PLAAT1: variants seen among roughly 807,000 people sequenced by gnomAD.
PLAAT1 encodes phospholipase A and acyltransferase 1, also known as H-REV107 protein-related protein.
In PLAAT1, 13 loss-of-function variants were observed where a neutral mutation model predicts 16.4. That is an observed-to-expected ratio of 0.79 (90% CI 0.52 to 1.26). The LOEUF (loss-of-function observed/expected upper bound fraction) is 1.26. Ranked by LOEUF, PLAAT1 falls within the 50% of genes most tolerant of loss-of-function variation. The probability of loss-of-function intolerance (pLI) is 0.00; values close to 1 mark genes in which losing one functional copy is unlikely to be tolerated. For synonymous variants in PLAAT1, 73 were observed against 78.4 expected (o/e 0.93, Z 0.36); for missense variants, 218 against 207.8 (o/e 1.05, Z -0.30).
At chr3:193,249,652 T>A (rs1716121315) in intron 1 of PLAAT1, among the ~76,000 whole-genome samples, 1 of 152,254 alleles carries the variant, frequency 6.6e-6, no homozygotes, top group African/African-American at 2.4e-5. Context: ...TTTAATGCTG[T>A]CCACTAAGGC....
intron 3 of PLAAT1, among the ~76,000 whole-genome samples, chr3:193,266,888 C>A (rs747152699): frequency 4.6e-5 from 7 of 151,630 alleles, no homozygotes; most frequent in Non-Finnish European, 8.8e-5. Context: ...TTTTTGAATC[C>A]CTTTAAGCTT....
At chr3:193,265,146 A>G (rs766092267) in intron 3 of PLAAT1, among the ~76,000 whole-genome samples, 1 of 152,210 alleles carries the variant, frequency 6.6e-6, no homozygotes, top group Non-Finnish European at 1.5e-5. Flanking sequence ...AGCTATTGTA[A>G]TCCTAGGTAT....
At position 193,250,848 on chromosome 3, in the gene PLAAT1, C is replaced by T. The variant is rs76205690; in HGVS notation, c.1-4803C>T. On this transcript the variant is annotated intron_variant, in intron 1 of 3. Transcript: ENST00000264735. ...TGCCCTGCCCTATCCCCCCCACCCC[C>T]GCACCTTTTTCCAATTGGAGATTAA... Among the ~76,000 whole-genome samples the T allele has an allele frequency of 8.2e-3, 1,243 of 152,154 alleles. 19 individuals are homozygous for T. Among genetic ancestry groups the T allele is most frequent in the African/African-American group, 0.028 (1,165 of 41,496 alleles).
downstream of PLAAT1, among the ~76,000 whole-genome samples, chr3:193,272,545 C>A (rs1717019794): frequency 6.6e-6 from 1 of 152,134 alleles, no homozygotes; most frequent in South Asian, 2.1e-4. Context: ...CCAAGGTACC[C>A]TTTTCAGTAA....
At chr3:193,242,684 A>G (rs960812789) in intron 1 of PLAAT1, among the ~76,000 whole-genome samples, 1 of 152,136 alleles carries the variant, frequency 6.6e-6, no homozygotes, top group African/African-American at 2.4e-5. Context: ...AATTTGGCCA[A>G]GGAGTGGAAC....
At chr3:193,275,280 T>C (rs1217769782), downstream of PLAAT1, 1 of 1,613,612 alleles carries the variant, frequency 6.2e-7, no homozygotes, top group African/African-American at 1.3e-5. Flanking sequence ...CAGCCAGAGT[T>C]CATGATTTTG....
downstream of PLAAT1, among the ~76,000 whole-genome samples, chr3:193,272,445 A>AAAAAC (rs376995592): frequency 1.5e-4 from 22 of 142,096 alleles, no homozygotes; most frequent in Admixed American, 7.3e-5. Context: ...ACTCCACCTC[A>AAAAAC]AAAACAAAAC....
intron 1 of PLAAT1, among the ~76,000 whole-genome samples, chr3:193,246,146 A>G (rs1306106635): frequency 6.6e-6 from 1 of 152,154 alleles, no homozygotes; most frequent in Admixed American, 6.5e-5. Context: ...CTTACAGGAA[A>G]AACTTTCAAC....
chr3:193,249,779 G>T (rs751255371), intron 1 of PLAAT1, among the ~76,000 whole-genome samples: 4 of 151,554 alleles, frequency 2.6e-5, no homozygotes, highest in Non-Finnish European at 1.5e-5. Context: ...TTATTCTACT[G>T]TTGAACCTCC....
At chr3:193,266,577 G>A (rs7611149) in intron 3 of PLAAT1, among the ~76,000 whole-genome samples, 63,149 of 151,784 alleles carry the variant, frequency 0.42, 14,054 homozygotes, top group African/African-American at 0.56. Flanking sequence ...CAGTGAGAAT[G>A]CCATCATCAC....
chr3:193,275,128 C>G (rs759236688), downstream of PLAAT1: 20 of 1,614,082 alleles, frequency 1.2e-5, no homozygotes, highest in Non-Finnish European at 1.5e-5. Context: ...CTTTCATAGC[C>G]TCCGTTGATG....
upstream of PLAAT1, among the ~76,000 whole-genome samples, chr3:193,240,680 T>TGTGTGTGTGTGTGG (rs1479216269): frequency 6.7e-6 from 1 of 148,922 alleles, no homozygotes; most frequent in Middle Eastern, 3.3e-3. Context: ...TGTGTGTGTG[T>TGTGTGTGTGTGTGG]GTGTGGTTGG....
chr3:193,264,008 A>C (rs540921649), intron 3 of PLAAT1, among the ~76,000 whole-genome samples: 3 of 152,324 alleles, frequency 2.0e-5, no homozygotes, highest in South Asian at 2.1e-4. Flanking sequence ...CAAAATACAT[A>C]TAAAAGTGTT....
chr3:193,242,008 A>G (rs1715776115), intron 1 of PLAAT1, among the ~76,000 whole-genome samples: 1 of 152,156 alleles, frequency 6.6e-6, no homozygotes, highest in Admixed American at 6.5e-5. Context: ...GGTATAGAGC[A>G]AGCTTGTCCA....
downstream of PLAAT1, chr3:193,274,848 TCTCATTGGTAAAG>T: frequency 1.5e-6 from 1 of 686,304 alleles, no homozygotes; most frequent in East Asian, 2.7e-5. Context: ...CATTTTTTTC[TCTCATTGGTAAAG>T]CATACAGTCA....
At chr3:193,253,914 A>C (rs778862326) in intron 1 of PLAAT1, among the ~76,000 whole-genome samples, 3 of 152,188 alleles carry the variant, frequency 2.0e-5, no homozygotes, top group Non-Finnish European at 4.4e-5. Context: ...TGCACTAGAA[A>C]GTGCTCCCCG....
rs546113383 is a variant in PLAAT1, at chr3:193,249,219, C to T, written c.1-6432C>T. Reference sequence around the variant, plus strand: ...TATGTAACAAGTTGCTTTTCCCTTACAGCTTTCCTATCTTCTCTTTGTCTT... The same window carrying T: ...TATGTAACAAGTTGCTTTTCCCTTATAGCTTTCCTATCTTCTCTTTGTCTT... On this transcript the variant is annotated intron_variant, in intron 1 of 3. Coordinates refer to ENST00000264735, the MANE Select transcript of PLAAT1 (RefSeq NM_020386.5). Among the ~76,000 whole-genome samples the T allele has an allele frequency of 4.6e-5, 7 of 152,230 alleles. No homozygotes were observed. The South Asian group carries it at 1.4e-3, about 32-fold the overall frequency.
chr3:193,266,195 G>T (rs1446837719), intron 3 of PLAAT1, among the ~76,000 whole-genome samples: 1 of 152,136 alleles, frequency 6.6e-6, no homozygotes, highest in Non-Finnish European at 1.5e-5. Flanking sequence ...TGTGATGATG[G>T]TTTCATGGTG....
At chr3:193,280,474 A>C (rs368280625), downstream of PLAAT1, among the ~76,000 whole-genome samples, 1 of 152,210 alleles carries the variant, frequency 6.6e-6, no homozygotes, top group Non-Finnish European at 1.5e-5. Context: ...TCATGTATCA[A>C]CTGGACTGTG....
Sources: gnomAD v4.1 joint callset for allele counts (sites outside exome capture counted in the v4.1 genomes callset) on GRCh38, gnomAD v4.1.1 for gene constraint, MANE v1.5 for transcripts, NCBI Gene and HGNC (gene_info 2026-07-23, HGNC 2026-07-21) for gene names.